CHN2: variants seen among roughly 807,000 people sequenced by gnomAD.
The protein encoded by CHN2 is beta-chimaerin.
CHN2 carries 35 observed loss-of-function variants against 56.3 expected under a neutral mutation model. The observed-to-expected ratio is 0.62, with a 90% CI of 0.47 to 0.82. CHN2 has a LOEUF of 0.82. Ranked by LOEUF, CHN2 falls within the 40% of genes least tolerant of loss-of-function variation. The probability of loss-of-function intolerance (pLI) is 0.00; values close to 1 mark genes in which losing one functional copy is unlikely to be tolerated. For missense variants in CHN2, 491 were observed against 580.5 expected (o/e 0.85, Z 1.58); for synonymous variants, 210 against 212.8 (o/e 0.99, Z 0.12).
chr7:29,327,531 G>C (rs1286347984), intron 1 of CHN2, among the ~76,000 whole-genome samples: 1 of 152,208 alleles, frequency 6.6e-6, no homozygotes, highest in Non-Finnish European at 1.5e-5. Flanking sequence ...GCCTAAGCAA[G>C]ATGTCTGCTT....
At chr7:29,316,923 A>G (rs1794995191) in intron 1 of CHN2, among the ~76,000 whole-genome samples, 1 of 152,204 alleles carries the variant, frequency 6.6e-6, no homozygotes, top group African/African-American at 2.4e-5. Flanking sequence ...TTTTATTGCT[A>G]CAAAAAGGGG....
intron 2 of CHN2, among the ~76,000 whole-genome samples, chr7:29,172,091 C>A (rs1238640167): frequency 6.6e-6 from 1 of 152,118 alleles, no homozygotes; most frequent in Non-Finnish European, 1.5e-5. Flanking sequence ...AGCAGTATCA[C>A]GTTTATACGC....
intron 8 of CHN2, among the ~76,000 whole-genome samples, chr7:29,497,749 C>T (rs777378184): frequency 6.6e-6 from 1 of 152,146 alleles, no homozygotes; most frequent in Non-Finnish European, 1.5e-5. Flanking sequence ...TGTTATAGAA[C>T]ATCTTAATTT....
At chr7:29,396,758 G>A (rs1240747526) in intron 4 of CHN2, 2 of 42,472 alleles carry the variant, frequency 4.7e-5, no homozygotes, top group Non-Finnish European at 8.6e-5. Flanking sequence ...CAACCCATCC[G>A]CAAGGCTGCC....
At chr7:29,509,490 G>C in intron 12 of CHN2, 84 bp downstream of exon 12, 1 of 1,026,846 alleles carries the variant, frequency 9.7e-7, no homozygotes, top group Non-Finnish European at 1.5e-6. Flanking sequence ...TTCCTCCCCA[G>C]CCATAACTGC....
rs562135727 is a variant in CHN2, at chr7:29,370,799, A to G, written c.144+2812A>G. On this transcript the variant is annotated intron_variant, in intron 3 of 12. Coordinates refer to ENST00000222792, the MANE Select transcript of CHN2 (RefSeq NM_004067.4). ...TGATACATGGTGGTTATCAACAGAT[A>G]CCAACTACTTAGTAGACTTTGCTGC... is the stretch of plus-strand genomic sequence containing the variant. 3.9e-5 allele frequency among the ~76,000 whole-genome samples: 6 copies of G among 152,316 alleles called. No homozygotes were observed. In the South Asian group the frequency reaches 1.2e-3, roughly 32 times the overall value.
At chr7:29,329,664 A>T (rs1458722520) in intron 1 of CHN2, among the ~76,000 whole-genome samples, 3 of 152,184 alleles carry the variant, frequency 2.0e-5, no homozygotes, top group African/African-American at 7.2e-5. Flanking sequence ...TAATTAATGT[A>T]TAGTGTGTCT....
At chr7:29,245,939 T>C (rs1788043319) in intron 1 of CHN2, among the ~76,000 whole-genome samples, 1 of 152,346 alleles carries the variant, frequency 6.6e-6, no homozygotes, top group South Asian at 2.1e-4. Context: ...AAGGAGGGGC[T>C]CTGTGCACAT....
intron 1 of CHN2, among the ~76,000 whole-genome samples, chr7:29,311,653 G>T (rs1318576480): frequency 6.6e-6 from 1 of 152,152 alleles, no homozygotes; most frequent in Non-Finnish European, 1.5e-5. Context: ...TATTTCTAAG[G>T]TCTTTCACTT....
chr7:29,200,685 T>A (rs1230515325), intron 1 of CHN2: 2 of 152,084 alleles, frequency 1.3e-5, no homozygotes, highest in Admixed American at 6.5e-5. Context: ...GGGGTCAAGA[T>A]GGATACCTGT....
At position 29,500,054 on chromosome 7, in the gene CHN2, T is replaced by C; in HGVS notation, c.913+14T>C. The C allele has an allele frequency of 6.6e-7, 1 of 1,517,130 alleles. No homozygotes were observed. Among genetic ancestry groups the C allele is most frequent in the Non-Finnish European group, 8.9e-7 (1 of 1,129,314 alleles). The allele number at this position is 1,517,130 out of a possible 1,614,324, so 94.0% of individuals were successfully genotyped here. A position where few individuals can be genotyped will look rare whatever the true frequency, so the allele number is the denominator to read the frequency against. ...TTGAAGCAAGAGGTTTGGAAAATAC[T>C]TCCTATTATAGTAGTATAGTGATTT... On this transcript the variant is annotated intron_variant, in intron 9 of 12. Transcript: ENST00000222792.
chr7:29,152,936 T>C (rs1168701153), intron 2 of CHN2, among the ~76,000 whole-genome samples: 1 of 152,226 alleles, frequency 6.6e-6, no homozygotes, highest in African/African-American at 2.4e-5. Flanking sequence ...TTCCAGAGCC[T>C]GCATGCCACT....
chr7:29,394,716 T>G (rs1296582538), intron 4 of CHN2, among the ~76,000 whole-genome samples: 1 of 152,224 alleles, frequency 6.6e-6, no homozygotes, highest in Non-Finnish European at 1.5e-5. Context: ...CTCAGTATGC[T>G]TATTTGTTTT....
chr7:29,148,125 A>T (rs1251209100), intron 2 of CHN2, among the ~76,000 whole-genome samples: 1 of 152,176 alleles, frequency 6.6e-6, no homozygotes, highest in East Asian at 1.9e-4. Flanking sequence ...TTAGCAGATA[A>T]CACTGCTGCT....
chr7:29,371,352 C>T (rs748386015), intron 3 of CHN2, among the ~76,000 whole-genome samples: 56 of 152,158 alleles, frequency 3.7e-4, no homozygotes, highest in Non-Finnish European at 6.0e-4. Flanking sequence ...AGGATCAGGT[C>T]GTGAAATAAC....
intron 6 of CHN2, among the ~76,000 whole-genome samples, chr7:29,453,690 G>A (rs911429281): frequency 4.6e-5 from 7 of 152,266 alleles, no homozygotes; most frequent in African/African-American, 1.7e-4. Flanking sequence ...ACCTAACTAG[G>A]TCATTCCAGG....
intron 2 of CHN2, among the ~76,000 whole-genome samples, chr7:29,173,385 GT>G (rs1176811180): frequency 6.6e-6 from 1 of 152,008 alleles, no homozygotes; most frequent in Non-Finnish European, 1.5e-5. Flanking sequence ...GTGAAAGGTG[GT>G]GCTATTAATA....
intron 6 of CHN2, among the ~76,000 whole-genome samples, chr7:29,448,362 G>T (rs927823533): frequency 6.6e-6 from 1 of 151,934 alleles, no homozygotes; most frequent in Non-Finnish European, 1.5e-5. Flanking sequence ...CGTTGGAAAT[G>T]ATCTTGACCT....
Position 29,512,829 on chromosome 7 carries a change from A to C in CHN2, c.*94A>C, listed in dbSNP as rs997719504. ...TTTCTTACCACTTGATTTGTTTTCCAAGCAAGTGCTAGAATTTCCTGGACT... is the reference window on the plus strand; with the variant it reads ...TTTCTTACCACTTGATTTGTTTTCCCAGCAAGTGCTAGAATTTCCTGGACT... On this transcript the variant is annotated 3_prime_UTR_variant, in exon 13 of 13. Coordinates refer to ENST00000222792, the MANE Select transcript of CHN2 (RefSeq NM_004067.4). The C allele has an allele frequency of 1.4e-6, 2 of 1,410,662 alleles. No homozygotes were observed. Among genetic ancestry groups the C allele is most frequent in the Non-Finnish European group, 9.6e-7 (1 of 1,044,270 alleles). The allele number at this position is 1,410,662 out of a possible 1,614,324, so 87.4% of individuals were successfully genotyped here. A position where few individuals can be genotyped will look rare whatever the true frequency, so the allele number is the denominator to read the frequency against.
Sources: allele counts gnomAD v4.1 joint callset (sites outside exome capture counted in the v4.1 genomes callset), GRCh38; gene constraint gnomAD v4.1.1; transcripts MANE v1.5; gene names NCBI Gene and HGNC (gene_info 2026-07-23, HGNC 2026-07-21).